Variants in IQGAP2 observed in about 807,000 individuals in gnomAD.
IQGAP2 encodes the protein ras GTPase-activating-like protein IQGAP2.
In IQGAP2, 173 loss-of-function variants were observed where a neutral mutation model predicts 201.3. The observed-to-expected ratio is 0.86, with a 90% CI of 0.76 to 0.98. The LOEUF (loss-of-function observed/expected upper bound fraction) is 0.98. Among genes scored for constraint, IQGAP2 ranks in the 50% least tolerant of loss-of-function variants. The pLI is 0.00. For synonymous variants in IQGAP2, 675 were observed against 673.9 expected (o/e 1.00, Z -0.03); for missense variants, 1,687 against 1,864.8 (o/e 0.90, Z 1.76).
intron 27 of IQGAP2, among the ~76,000 whole-genome samples, chr5:76,675,879 T>C (rs894393143): frequency 3.9e-5 from 6 of 152,094 alleles, no homozygotes; most frequent in African/African-American, 1.4e-4. Context: ...AACAAAGTAA[T>C]ATCCAGGCTG....
intron 11 of IQGAP2, among the ~76,000 whole-genome samples, chr5:76,603,047 C>T (rs967572176): frequency 6.6e-6 from 1 of 152,170 alleles, no homozygotes; most frequent in South Asian, 2.1e-4. Context: ...TTTGATTGTT[C>T]CTTGTTCACA....
At chr5:76,505,714 G>T (rs1757576144) in intron 2 of IQGAP2, among the ~76,000 whole-genome samples, 1 of 152,100 alleles carries the variant, frequency 6.6e-6, no homozygotes, top group Admixed American at 6.5e-5. Context: ...TGATCTCCTG[G>T]CTTGGAGCTC....
intron 2 of IQGAP2, among the ~76,000 whole-genome samples, chr5:76,462,508 C>T (rs1316132806): frequency 1.3e-5 from 2 of 152,142 alleles, no homozygotes; most frequent in African/African-American, 2.4e-5. Context: ...GAACTTTATC[C>T]TTTGTGGGGT....
chr5:76,583,169 G>A (rs905162), intron 5 of IQGAP2, among the ~76,000 whole-genome samples: 87,687 of 152,062 alleles, frequency 0.58, 26,431 homozygotes, highest in South Asian at 0.75. Flanking sequence ...TTTTCTATTC[G>A]ATGGGCTTTT....
At chr5:76,693,641 AC>A (rs1268973817) in intron 31 of IQGAP2, among the ~76,000 whole-genome samples, 199 bp downstream of exon 31, 1 of 152,258 alleles carries the variant, frequency 6.6e-6, no homozygotes, top group African/African-American at 2.4e-5. Context: ...AATAGAAAAT[AC>A]AGCACCAAAT....
At position 76,480,925 on chromosome 5, in the gene IQGAP2, G is replaced by T. The variant is rs1361974197; in HGVS notation, c.146+19256G>T. ...CAAGATCAAAGTACTGGTGGGTTTG[G>T]TGTCCCATACCAGCTGGTTATCTGT... On this transcript the variant is annotated intron_variant, in intron 2 of 35. Coordinates refer to ENST00000274364, the MANE Select transcript of IQGAP2 (RefSeq NM_006633.5). Among the ~76,000 whole-genome samples, 8 of 152,140 alleles carry T rather than the reference G, an allele frequency of 5.3e-5. No individual in the cohort carries two copies. In the East Asian group the frequency reaches 1.5e-3, roughly 29 times the overall value.
chr5:76,680,020 A>G (rs545668635), intron 28 of IQGAP2, among the ~76,000 whole-genome samples: 5 of 152,306 alleles, frequency 3.3e-5, no homozygotes, highest in South Asian at 2.1e-4. Context: ...ACAACTCTCC[A>G]TGTGTCAGGG....
chr5:76,679,039 A>G (rs1018259902), intron 28 of IQGAP2, among the ~76,000 whole-genome samples: 2 of 152,238 alleles, frequency 1.3e-5, no homozygotes, highest in Non-Finnish European at 2.9e-5. Flanking sequence ...TGCATTACTT[A>G]CAGAAATAAT....
intron 17 of IQGAP2, among the ~76,000 whole-genome samples, chr5:76,652,209 C>T (rs1752572106): frequency 6.6e-6 from 1 of 152,102 alleles, no homozygotes; most frequent in African/African-American, 2.4e-5. Context: ...CATTGTTTAA[C>T]TTTATGTGGG....
chr5:76,468,215 A>C lies in IQGAP2; in HGVS notation c.146+6546A>C, dbSNP rs1185034791. 2.0e-5 allele frequency among the ~76,000 whole-genome samples: 3 copies of C among 152,192 alleles called. No homozygotes were observed. The East Asian group carries it at 5.8e-4, about 29-fold the overall frequency. The stretch of plus-strand genomic sequence containing the variant: ...AAGATCAATTGGTATTAGCAGATAC[A>C]TTGCATATAGAAGGTACCCCTAAGA... On this transcript the variant is annotated intron_variant, in intron 2 of 35. Coordinates refer to ENST00000274364, the MANE Select transcript of IQGAP2 (RefSeq NM_006633.5).
intron 2 of IQGAP2, among the ~76,000 whole-genome samples, chr5:76,523,076 C>CTTTTTTTTTTTTTTTTTTT (rs35277348): frequency 2.6e-5 from 2 of 78,368 alleles, no homozygotes; most frequent in African/African-American, 5.1e-5. Flanking sequence ...TTTCTTTTGC[C>CTTTTTTTTTTTTTTTTTTT]TTTTTTTTTT....
intron 2 of IQGAP2, among the ~76,000 whole-genome samples, chr5:76,508,743 T>C (rs1434280097): frequency 2.0e-5 from 3 of 151,334 alleles, no homozygotes; most frequent in Non-Finnish European, 4.4e-5. Flanking sequence ...TACAAATTCA[T>C]AGGAAAAAAT....
intron 2 of IQGAP2, among the ~76,000 whole-genome samples, chr5:76,484,838 ATTG>A (rs1192837038): frequency 1.3e-5 from 2 of 151,154 alleles, no homozygotes; most frequent in African/African-American, 4.9e-5. Flanking sequence ...TATTGTTGTT[ATTG>A]TTGTTGTTGA....
In IQGAP2 at chr5:76,673,606, G is replaced by A. The variant is rs893581797; in HGVS notation, c.3209+17G>A. On this transcript the variant is annotated intron_variant, in intron 25 of 35. Coordinates refer to ENST00000274364, the MANE Select transcript of IQGAP2 (RefSeq NM_006633.5). ...TCTACTGCCGTAAGTTGTACTTGCA[G>A]CAAGTTTAACATTCTTTCCTGGAAC... 1.9e-6 allele frequency: 3 copies of A among 1,612,298 alleles called. No homozygotes were observed. The highest frequency in any genetic ancestry group is 1.3e-5 in the African/African-American group (1 of 74,890).
At position 76,555,084 on chromosome 5, in the gene IQGAP2, A is replaced by C. The variant is rs74448355; in HGVS notation, c.147-7312A>C. 1.8e-4 allele frequency among the ~76,000 whole-genome samples: 28 copies of C among 152,350 alleles called. No individual in the cohort carries two copies. The East Asian group carries it at 5.4e-3, about 29-fold the overall frequency. On this transcript the variant is annotated intron_variant, in intron 2 of 35. Coordinates refer to ENST00000274364, the MANE Select transcript of IQGAP2 (RefSeq NM_006633.5). Reference sequence around the variant, plus strand: ...ATTGTATGAGTCTATTTATATTTACATGAAATGTTCAGAATAGGCAAATCT... The same window carrying C: ...ATTGTATGAGTCTATTTATATTTACCTGAAATGTTCAGAATAGGCAAATCT...
chr5:76,403,591 T>C lies in IQGAP2; in HGVS notation c.46T>C (p.Ser16Pro), dbSNP rs1398034036. The part of the protein sequence containing the change: ...LPSLQRPRYG[S>P]IVDDERLSAE... ...GTCGCTGCAGAGACCCCGCTATGGC[T>C]GTAAGTGCGCCGGGCGCGCGGGGTT... The change falls in exon 1 of 36, where the codon TCT becomes CCT. Residue 16 changes from serine to proline, a missense_variant and splice_region_variant. Transcript: ENST00000274364. This position sits in a 1 kb window ranked among gnomAD's most constrained non-coding sequence, Gnocchi z 4.8. 2 of 1,536,242 alleles carry C rather than the reference T, an allele frequency of 1.3e-6. No individual in the cohort carries two copies. Among genetic ancestry groups the C allele is most frequent in the Non-Finnish European group, 1.7e-6 (2 of 1,145,276 alleles).
chr5:76,668,781 C>G lies in IQGAP2; in HGVS notation c.2780C>G (p.Ser927Cys), dbSNP rs760624014. ...ATTTTCACACTATATAATTATGCCT[C>G]TAATCAGCGAGAAGAATATCTACTT... Reference protein sequence around the residue: ...TVIFTLYNYASNQREEYLLLK... With the variant: ...TVIFTLYNYACNQREEYLLLK... Residue 927 changes from serine (S) to cysteine (C), a missense_variant, in exon 23 of 36, where the codon TCT (serine) becomes TGT (cysteine). Physicochemically the swap from Ser to Cys is moderately radical, Grantham distance 112 (BLOSUM62 -1). Transcript: ENST00000274364. 9 of 1,608,842 alleles carry G rather than the reference C, an allele frequency of 5.6e-6. No individual in the cohort carries two copies. The East Asian group carries it at 2.0e-4, about 36-fold the overall frequency.
At chr5:76,627,030 C>CGG (rs35494265) in intron 13 of IQGAP2, among the ~76,000 whole-genome samples, 4 of 151,888 alleles carry the variant, frequency 2.6e-5, no homozygotes, top group African/African-American at 7.3e-5. Flanking sequence ...TTCTAACTGC[C>CGG]GGGGGAAGCC....
At chr5:76,523,868 G>A (rs1183603186) in intron 2 of IQGAP2, among the ~76,000 whole-genome samples, 1 of 152,120 alleles carries the variant, frequency 6.6e-6, no homozygotes, top group Non-Finnish European at 1.5e-5. Flanking sequence ...CCTGATTCGG[G>A]TGATTATCCG....
Sources: gnomAD v4.1 joint callset for allele counts (sites outside exome capture counted in the v4.1 genomes callset) on GRCh38, gnomAD v4.1.1 for gene constraint, Gnocchi (gnomAD v3.1) non-coding constraint, MANE v1.5 for transcripts, NCBI Gene and HGNC (gene_info 2026-07-23, HGNC 2026-07-21) for gene names.